CFTR: variants seen among roughly 807,000 people sequenced by gnomAD.
CFTR encodes CF transmembrane conductance regulator.
CFTR carries 181 observed loss-of-function variants against 171.6 expected under a neutral mutation model. That is an observed-to-expected ratio of 1.05 (90% CI 0.93 to 1.19). CFTR has a LOEUF of 1.19. Ranked by LOEUF, CFTR falls within the 50% of genes most tolerant of loss-of-function variation. The pLI, the probability that CFTR is intolerant of heterozygous loss-of-function variation, is 0.00. For missense variants in CFTR, 1,968 were observed against 1,734.7 expected, an observed-to-expected ratio of 1.13 and a Z score of -2.39; for synonymous variants, 583 against 608.0, an observed-to-expected ratio of 0.96 and a Z score of 0.60.
chr7:117,612,052 T>TATATATATATATATATC (rs1379044306), intron 20 of CFTR, among the ~76,000 whole-genome samples: 2 of 70,890 alleles, frequency 2.8e-5, no homozygotes, highest in African/African-American at 1.4e-4. Flanking sequence ...TATATATATA[T>TATATATATATATATATC]ACATATATAT....
intron 4 of CFTR, among the ~76,000 whole-genome samples, chr7:117,532,286 A>G (rs34376865): frequency 0.019 from 2,846 of 152,310 alleles, 42 homozygotes; most frequent in Non-Finnish European, 0.029. Context: ...TCAGTTTAAT[A>G]AATGTTTATA....
intron 18 of CFTR, among the ~76,000 whole-genome samples, chr7:117,608,699 G>A: frequency 6.6e-6 from 1 of 151,980 alleles, no homozygotes; most frequent in Non-Finnish European, 1.5e-5. Flanking sequence ...AATCACAGGG[G>A]TCCTTCAAAT....
Position 117,480,051 on chromosome 7 carries a change from T to A in CFTR, c.-44T>A. 1 of 1,595,080 alleles carries A rather than the reference T, an allele frequency of 6.3e-7. No individual in the cohort carries two copies. Among genetic ancestry groups the A allele is most frequent in the South Asian group, 1.1e-5 (1 of 90,696 alleles). ...TAGTAGGTCTTTGGCATTAGGAGCT[T>A]GAGCCCAGACGGCCCTAGCAGGGAC... is the stretch of plus-strand genomic sequence containing the variant. On this transcript the variant is annotated 5_prime_UTR_variant, in exon 1 of 27. Transcript: ENST00000003084.
intron 3 of CFTR, among the ~76,000 whole-genome samples, chr7:117,515,544 G>C (rs1451134305): frequency 6.6e-6 from 1 of 152,140 alleles, no homozygotes; most frequent in Non-Finnish European, 1.5e-5. Context: ...ATGCTGTTTT[G>C]GTTACCGTAG....
chr7:117,607,547 A>G lies in CFTR; in HGVS notation c.2988+794A>G, dbSNP rs942375211. Among the ~76,000 whole-genome samples the G allele has an allele frequency of 2.0e-5, 3 of 152,220 alleles. No individual in the cohort carries two copies. The South Asian group carries it at 6.2e-4, about 32-fold the overall frequency. On this transcript the variant is annotated intron_variant, in intron 18 of 26. Coordinates refer to ENST00000003084, the MANE Select transcript of CFTR (RefSeq NM_000492.4). ...GACTGGTTTAGGTCAAGCTCCAGAG[A>G]GCAAATGCCACAGTCTCAGTGATCT...
At position 117,592,751 on chromosome 7, in the gene CFTR, G is replaced by C. The variant is rs1384438151; in HGVS notation, c.2490+94G>C. 3.6e-6 allele frequency: 4 copies of C among 1,117,172 alleles called. No homozygotes were observed. The African/African-American group carries it at 4.8e-5, about 13-fold the overall frequency. 69.2% of individuals were successfully genotyped at this position (1,117,172 alleles called of 1,614,324 possible). A position where few individuals can be genotyped will look rare whatever the true frequency, so the allele number is the denominator to read the frequency against. On this transcript the variant is annotated intron_variant, in intron 14 of 26. Coordinates refer to ENST00000003084, the MANE Select transcript of CFTR (RefSeq NM_000492.4). The stretch of plus-strand genomic sequence containing the variant: ...TGTAACAAAATTTACTAAAATCATA[G>C]GATTAGGATAAGGTGTATCTTAAAA...
chr7:117,589,028 A>G (rs535395349), intron 12 of CFTR, among the ~76,000 whole-genome samples: 49 of 152,198 alleles, frequency 3.2e-4, no homozygotes, highest in African/African-American at 1.1e-3. Context: ...TAGACATCCA[A>G]CATAGAACTG....
intron 1 of CFTR, among the ~76,000 whole-genome samples, chr7:117,494,021 C>T (rs908417566): frequency 5.9e-5 from 9 of 152,134 alleles, no homozygotes; most frequent in Admixed American, 2.6e-4. Flanking sequence ...TCATTTTTAT[C>T]TGTTTAGATG....
At chr7:117,508,678 GTGTT>G (rs531161700) in intron 2 of CFTR, among the ~76,000 whole-genome samples, 25 of 152,320 alleles carry the variant, frequency 1.6e-4, no homozygotes, top group African/African-American at 5.8e-4. Flanking sequence ...GAATGTTTGT[GTGTT>G]TATTTTTTCC....
intron 4 of CFTR, among the ~76,000 whole-genome samples, chr7:117,531,459 G>C (rs1321984779): frequency 6.6e-6 from 1 of 151,758 alleles, no homozygotes; most frequent in Non-Finnish European, 1.5e-5. Flanking sequence ...ATAGTAAAAT[G>C]CCACATATCT....
At chr7:117,487,784 G>A (rs955804845) in intron 1 of CFTR, 2 of 152,038 alleles carry the variant, frequency 1.3e-5, no homozygotes, top group African/African-American at 4.8e-5. Context: ...AATTTCATTT[G>A]ATACCAGTCA....
rs544828728 is a variant in CFTR, at chr7:117,591,605, T to G, written c.1767-329T>G. ...TCTAGGGACCTTAAAGATCATCTAATAATTTCCTCATTTTCTAGATAAATA... is the reference window on the plus strand; with the variant it reads ...TCTAGGGACCTTAAAGATCATCTAAGAATTTCCTCATTTTCTAGATAAATA... On this transcript the variant is annotated intron_variant, in intron 13 of 26. Coordinates refer to ENST00000003084, the MANE Select transcript of CFTR (RefSeq NM_000492.4). Among the ~76,000 whole-genome samples the G allele has an allele frequency of 5.3e-5, 8 of 152,234 alleles. No homozygotes were observed. In the South Asian group the frequency reaches 1.7e-3, roughly 32 times the overall value.
At chr7:117,567,497 A>T (rs1791621283) in intron 11 of CFTR, among the ~76,000 whole-genome samples, 1 of 152,244 alleles carries the variant, frequency 6.6e-6, no homozygotes, top group African/African-American at 2.4e-5. Flanking sequence ...CAGAATCAAG[A>T]CATTAATACC....
intron 10 of CFTR, among the ~76,000 whole-genome samples, chr7:117,551,756 G>T (rs576868427): frequency 3.0e-4 from 45 of 152,288 alleles, no homozygotes; most frequent in African/African-American, 1.0e-3. Flanking sequence ...ATCACTGGAT[G>T]CCCTTGACTG....
At chr7:117,565,881 C>A (rs1791593565) in intron 11 of CFTR, among the ~76,000 whole-genome samples, 1 of 151,988 alleles carries the variant, frequency 6.6e-6, no homozygotes, top group South Asian at 2.1e-4. Context: ...GGGAAGTAAG[C>A]AAATAAATGA....
chr7:117,603,678 TA>T lies in CFTR; in HGVS notation c.2805del (p.Pro936HisfsTer6). 6.2e-7 allele frequency: 1 copy of T among 1,614,130 alleles called. No homozygotes were observed. Among genetic ancestry groups the T allele is most frequent in the South Asian group, 1.1e-5 (1 of 91,090 alleles). ...TLLAMGFFRGLPLVHTLITVS... is the reference protein window; with the variant it reads ...TLLAMGFFRGXPLVHTLITVS... Reference sequence around the variant, plus strand: ...CTTGCTATGGGATTCTTCAGAGGTCTACCACTGGTGCATACTCTAATCACAG... The same window carrying T: ...CTTGCTATGGGATTCTTCAGAGGTCTCCACTGGTGCATACTCTAATCACAG... On this transcript the variant is annotated frameshift_variant, in exon 17 of 27. Transcript: ENST00000003084. LOFTEE classifies it high-confidence loss of function.
At chr7:117,563,922 C>T (rs1415926501) in intron 11 of CFTR, among the ~76,000 whole-genome samples, 1 of 152,064 alleles carries the variant, frequency 6.6e-6, no homozygotes. Context: ...GTATTTCCTA[C>T]ATTTCTTGTA....
At chr7:117,595,155 A>G in intron 15 of CFTR, 97 bp downstream of exon 15, 1 of 945,662 alleles carries the variant, frequency 1.1e-6, no homozygotes, top group South Asian at 1.4e-5. Flanking sequence ...AAATATGTAT[A>G]TATACACATG....
At chr7:117,645,997 C>T (rs1264516381) in intron 23 of CFTR, among the ~76,000 whole-genome samples, 1 of 152,102 alleles carries the variant, frequency 6.6e-6, no homozygotes, top group African/African-American at 2.4e-5. Context: ...ATTCAATGTA[C>T]ATTGTTTTGT....
Sources: allele counts gnomAD v4.1 joint callset (sites outside exome capture counted in the v4.1 genomes callset), GRCh38; gene constraint gnomAD v4.1.1; transcripts MANE v1.5; gene names NCBI Gene and HGNC (gene_info 2026-07-23, HGNC 2026-07-21).